The following ADAMTSL1 variants were observed in gnomAD, a reference collection of about 807,000 sequenced individuals.
The protein encoded by ADAMTSL1 is ADAMTS-like protein 1.
In ADAMTSL1, 126 loss-of-function variants were observed where a neutral mutation model predicts 201.8. The ratio of observed to expected loss-of-function variants is 0.62; its 90% CI spans 0.54 to 0.72. The LOEUF (loss-of-function observed/expected upper bound fraction) is 0.72. Among genes scored for constraint, ADAMTSL1 ranks in the 30% least tolerant of loss-of-function variants. ADAMTSL1 has a pLI of 0.00. For missense variants in ADAMTSL1, 2,679 were observed against 2,277.8 expected (o/e 1.18, Z -3.59); for synonymous variants, 1,121 against 903.4 (o/e 1.24, Z -4.32).
chr9:18,851,663 C>G (rs960485181), intron 23 of ADAMTSL1, among the ~76,000 whole-genome samples: 2 of 152,136 alleles, frequency 1.3e-5, no homozygotes, highest in African/African-American at 2.4e-5. Context: ...TGGTTTGTGT[C>G]CTGTCTCTTC....
intron 21 of ADAMTSL1, 116 bp downstream of exon 21, chr9:18,817,353 C>A (rs2131186269): frequency 2.8e-6 from 3 of 1,054,346 alleles, no homozygotes; most frequent in South Asian, 1.9e-5. Flanking sequence ...AGTAGGAAAG[C>A]CAAAGCATGA....
At chr9:18,147,465 T>A (rs1289271977) in intron 1 of ADAMTSL1, among the ~76,000 whole-genome samples, 1 of 152,230 alleles carries the variant, frequency 6.6e-6, no homozygotes, top group East Asian at 1.9e-4. Context: ...GCTCATTCAC[T>A]GCTTGGAACC....
chr9:18,529,434 G>C (rs577894996), intron 2 of ADAMTSL1, among the ~76,000 whole-genome samples: 12 of 152,236 alleles, frequency 7.9e-5, no homozygotes, highest in Non-Finnish European at 1.5e-4. Context: ...TTAGGAGTTA[G>C]TCACGCCTAG....
intron 21 of ADAMTSL1, among the ~76,000 whole-genome samples, chr9:18,821,663 G>A (rs1588166345): frequency 6.6e-6 from 1 of 152,204 alleles, no homozygotes; most frequent in East Asian, 1.9e-4. Flanking sequence ...GACTGCCTTG[G>A]TTTTTTAGAA....
At chr9:18,902,134 T>C (rs759035421) in intron 26 of ADAMTSL1, among the ~76,000 whole-genome samples, 4 of 152,120 alleles carry the variant, frequency 2.6e-5, no homozygotes, top group Non-Finnish European at 5.9e-5. Context: ...ATTGACAGAA[T>C]TGATGGGAGA....
At chr9:18,662,425 A>G (rs1359540414) in intron 9 of ADAMTSL1, among the ~76,000 whole-genome samples, 2 of 152,164 alleles carry the variant, frequency 1.3e-5, no homozygotes, top group Admixed American at 6.5e-5. Context: ...TGATGACACA[A>G]TGTTCTCAGG....
chr9:18,464,705 A>T (rs1045387485), intron 2 of ADAMTSL1, among the ~76,000 whole-genome samples: 1 of 152,234 alleles, frequency 6.6e-6, no homozygotes, highest in African/African-American at 2.4e-5. Flanking sequence ...TTTCCTTTTC[A>T]TAATTACAGT....
At chr9:18,029,903 G>GC (rs1159278747) in intron 1 of ADAMTSL1, among the ~76,000 whole-genome samples, 2 of 151,814 alleles carry the variant, frequency 1.3e-5, no homozygotes, top group Non-Finnish European at 2.9e-5. Flanking sequence ...AACAACAGGT[G>GC]CTGGAGAGGA....
At chr9:18,358,439 C>T (rs1026460123) in intron 2 of ADAMTSL1, among the ~76,000 whole-genome samples, 4 of 152,144 alleles carry the variant, frequency 2.6e-5, no homozygotes, top group Admixed American at 6.5e-5. Context: ...ACGATATTCA[C>T]GATGTTGTGC....
At chr9:18,400,747 C>G (rs1050706813) in intron 2 of ADAMTSL1, among the ~76,000 whole-genome samples, 1 of 152,122 alleles carries the variant, frequency 6.6e-6, no homozygotes, top group Non-Finnish European at 1.5e-5. Flanking sequence ...CTTGCTTTTA[C>G]TCATTATTCA....
At chr9:18,839,140 C>G (rs916380256) in intron 23 of ADAMTSL1, among the ~76,000 whole-genome samples, 3 of 149,238 alleles carry the variant, frequency 2.0e-5, no homozygotes, top group African/African-American at 7.4e-5. Context: ...CCCATTAACT[C>G]GTCATTTAGC....
intron 1 of ADAMTSL1, among the ~76,000 whole-genome samples, chr9:17,908,778 A>G (rs1256498611): frequency 6.6e-6 from 1 of 152,130 alleles, no homozygotes; most frequent in Admixed American, 6.5e-5. Flanking sequence ...GTTTTATAGA[A>G]TCATGGCCCC....
At chr9:18,460,455 C>A (rs1238728710) in intron 2 of ADAMTSL1, among the ~76,000 whole-genome samples, 7 of 152,018 alleles carry the variant, frequency 4.6e-5, no homozygotes, top group Non-Finnish European at 8.8e-5. Flanking sequence ...AAAAGTAGAT[C>A]CAGGTTTTAT....
At chr9:17,947,698 C>A (rs912879749) in intron 1 of ADAMTSL1, among the ~76,000 whole-genome samples, 2 of 152,088 alleles carry the variant, frequency 1.3e-5, no homozygotes, top group African/African-American at 4.8e-5. Context: ...GTTTTTGAAG[C>A]ATCTGATGAC....
intron 13 of ADAMTSL1, among the ~76,000 whole-genome samples, chr9:18,703,691 T>G (rs1033056954): frequency 1.5e-5 from 2 of 135,726 alleles, no homozygotes; most frequent in Non-Finnish European, 3.2e-5. Flanking sequence ...CACACGTGCA[T>G]GCGCACATAC....
chr9:18,276,847 C>A (rs188520305), intron 2 of ADAMTSL1, among the ~76,000 whole-genome samples: 44 of 152,250 alleles, frequency 2.9e-4, no homozygotes, highest in Middle Eastern at 3.4e-3. Flanking sequence ...CCCCAGGACC[C>A]AAACTCCTCT....
intron 1 of ADAMTSL1, among the ~76,000 whole-genome samples, chr9:17,914,100 G>A (rs1199702234): frequency 6.6e-6 from 1 of 152,314 alleles, no homozygotes; most frequent in Admixed American, 6.5e-5. Context: ...GTACAAGGAA[G>A]AACTGGTACC....
intron 1 of ADAMTSL1, among the ~76,000 whole-genome samples, chr9:17,938,923 T>C (rs1827120037): frequency 1.3e-5 from 2 of 152,268 alleles, no homozygotes; most frequent in South Asian, 2.1e-4. Flanking sequence ...TTTTGTCTTG[T>C]TTTGACAAGT....
At chr9:17,944,767 G>C in intron 1 of ADAMTSL1, among the ~76,000 whole-genome samples, 2 of 130,094 alleles carry the variant, frequency 1.5e-5, no homozygotes, top group Non-Finnish European at 3.3e-5. Context: ...GCCATATGTA[G>C]AAAGCTGAAA....
Sources: gnomAD v4.1 joint callset for allele counts (sites outside exome capture counted in the v4.1 genomes callset) on GRCh38, gnomAD v4.1.1 for gene constraint, MANE v1.5 for transcripts, NCBI Gene and HGNC (gene_info 2026-07-23, HGNC 2026-07-21) for gene names.